MGAT5B: variants seen among roughly 807,000 people sequenced by gnomAD.
The protein encoded by MGAT5B is alpha-1,6-mannosylglycoprotein 6-beta-N-acetylglucosaminyltransferase B.
MGAT5B carries 54 observed loss-of-function variants against 95.1 expected under a neutral mutation model. The ratio of observed to expected loss-of-function variants is 0.57; its 90% CI spans 0.46 to 0.71. MGAT5B has a LOEUF of 0.71. Ranked by LOEUF, MGAT5B falls within the 30% of genes least tolerant of loss-of-function variation. The pLI, the probability that MGAT5B is intolerant of heterozygous loss-of-function variation, is 0.00. For missense variants in MGAT5B, 935 were observed against 1,088.6 expected (o/e 0.86, Z 1.99); for synonymous variants, 464 against 451.0 (o/e 1.03, Z -0.36).
chr17:76,884,683 A>T (rs1228480755), intron 3 of MGAT5B, among the ~76,000 whole-genome samples: 1 of 150,706 alleles, frequency 6.6e-6, no homozygotes, highest in African/African-American at 2.4e-5. Flanking sequence ...GGCTCACTGC[A>T]AGCTCTGCCT....
chr17:76,933,173 C>T (rs1969550044), intron 11 of MGAT5B, 119 bp from the exon 12 acceptor site: 1 of 1,223,894 alleles, frequency 8.2e-7, no homozygotes, highest in Non-Finnish European at 1.2e-6. Context: ...AGATTAGAAC[C>T]CCATCTTCAG....
Position 76,889,644 on chromosome 17 carries a change from A to G in MGAT5B, c.329+7346A>G, listed in dbSNP as rs1014739212. Among the ~76,000 whole-genome samples, 3 of 152,110 alleles carry G rather than the reference A, an allele frequency of 2.0e-5. No individual in the cohort carries two copies. Among genetic ancestry groups the G allele is most frequent in the African/African-American group, 4.8e-5 (2 of 41,366 alleles). On this transcript the variant is annotated intron_variant, in intron 3 of 17. Coordinates refer to ENST00000569840, the MANE Select transcript of MGAT5B (RefSeq NM_001199172.2). The surrounding 1 kb of genome is among the most constrained non-coding windows in gnomAD (Gnocchi z 4.4). ...GCTGAAGTAATAATTATTAATCATCATAATAATTAATGATGATAATAATCA... is the reference window on the plus strand; with the variant it reads ...GCTGAAGTAATAATTATTAATCATCGTAATAATTAATGATGATAATAATCA...
intron 2 of MGAT5B, among the ~76,000 whole-genome samples, chr17:76,873,611 A>G (rs1334703568): frequency 1.3e-5 from 2 of 152,170 alleles, no homozygotes; most frequent in African/African-American, 4.8e-5. Context: ...CGTGGACATT[A>G]CCCAGCATGG....
intron 15 of MGAT5B, among the ~76,000 whole-genome samples, chr17:76,945,657 A>T (rs1032381380): frequency 6.6e-6 from 1 of 152,182 alleles, no homozygotes; most frequent in African/African-American, 2.4e-5. Flanking sequence ...GGGGCAGGGT[A>T]CTTTACAAAT....
intron 2 of MGAT5B, among the ~76,000 whole-genome samples, chr17:76,880,225 C>A (rs1967359613): frequency 6.6e-6 from 1 of 152,204 alleles, no homozygotes; most frequent in Admixed American, 6.5e-5. Context: ...GCCTGTTCTT[C>A]AGAGCCAGGA....
chr17:76,934,359 A>T (rs1969589395), intron 12 of MGAT5B, among the ~76,000 whole-genome samples: 1 of 152,224 alleles, frequency 6.6e-6, no homozygotes, highest in Non-Finnish European at 1.5e-5. Flanking sequence ...GTTCCAGCCT[A>T]CATCAATCTA....
chr17:76,895,589 G>GGGA (rs1192102481), intron 3 of MGAT5B, among the ~76,000 whole-genome samples: 1 of 152,148 alleles, frequency 6.6e-6, no homozygotes, highest in Non-Finnish European at 1.5e-5. Context: ...CTTGACTGAT[G>GGGA]GGAGCACAAT....
chr17:76,915,586 A>G lies in MGAT5B; in HGVS notation c.1026-9380A>G, dbSNP rs796888216. Among the ~76,000 whole-genome samples, 23 of 152,282 alleles carry G rather than the reference A, an allele frequency of 1.5e-4. No homozygotes were observed. The highest frequency in any genetic ancestry group is 4.8e-4 in the African/African-American group (20 of 41,556). ...TGAGGCTGGGAAGTGGGCGCATTGG[A>G]GCATTATATGATTTTCTATAATTTT... On this transcript the variant is annotated intron_variant, in intron 8 of 17. Transcript: ENST00000569840. The surrounding 1 kb of genome is among the most constrained non-coding windows in gnomAD (Gnocchi z 8.7).
In MGAT5B at chr17:76,917,725, T is replaced by C. The variant is rs538599610; in HGVS notation, c.1026-7241T>C. On this transcript the variant is annotated intron_variant, in intron 8 of 17. Coordinates refer to ENST00000569840, the MANE Select transcript of MGAT5B (RefSeq NM_001199172.2). This position sits in a 1 kb window ranked among gnomAD's most constrained non-coding sequence, Gnocchi z 6.1. ...TGCACAGGTTGGTTCTCAGCAAAGGTTGGTGGAACCGGATAGAATAGCAAG... is the reference window on the plus strand; with the variant it reads ...TGCACAGGTTGGTTCTCAGCAAAGGCTGGTGGAACCGGATAGAATAGCAAG... Among the ~76,000 whole-genome samples, 3 of 152,076 alleles carry C rather than the reference T, an allele frequency of 2.0e-5. No homozygotes were observed. In the South Asian group the frequency reaches 6.3e-4, roughly 32 times the overall value.
chr17:76,902,397 G>T (rs114150883), intron 3 of MGAT5B, among the ~76,000 whole-genome samples, 158 bp from the exon 4 acceptor site: 3 of 152,092 alleles, frequency 2.0e-5, no homozygotes, highest in Admixed American at 1.3e-4. Context: ...CTTCTCACCC[G>T]ATTCACTCCC....
chr17:76,896,078 C>G (rs1314530370), intron 3 of MGAT5B, among the ~76,000 whole-genome samples: 2 of 152,232 alleles, frequency 1.3e-5, no homozygotes, highest in Admixed American at 6.5e-5. Context: ...CCTGTGTTCC[C>G]CAGACCACAT....
chr17:76,891,484 A>G (rs1173538638), intron 3 of MGAT5B, among the ~76,000 whole-genome samples: 1 of 151,676 alleles, frequency 6.6e-6, no homozygotes, highest in Non-Finnish European at 1.5e-5. Flanking sequence ...GGTTCAAGCG[A>G]TTCTCCTGCC....
chr17:76,897,660 A>ACTTTCTTTCTTTCTTTCTTT (rs772516557), intron 3 of MGAT5B, among the ~76,000 whole-genome samples: 144 of 69,338 alleles, frequency 2.1e-3, no homozygotes, highest in East Asian at 3.4e-3. Context: ...AAGTAAGGCC[A>ACTTTCTTTCTTTCTTTCTTT]CTTTCTTTCT....
At chr17:76,936,552 G>GT (rs1239578070) in intron 12 of MGAT5B, among the ~76,000 whole-genome samples, 3 of 152,108 alleles carry the variant, frequency 2.0e-5, no homozygotes, top group Admixed American at 6.6e-5. Flanking sequence ...TTTCTTTCCT[G>GT]TTTTTTTGTA....
rs1405182998 is a variant in MGAT5B at position 76,905,238 on chromosome 17, A to G, written c.760A>G (p.Met254Val). 3 of 1,613,582 alleles carry G rather than the reference A, an allele frequency of 1.9e-6. No homozygotes were observed. Among genetic ancestry groups the G allele is most frequent in the South Asian group, 2.2e-5 (2 of 91,062 alleles). Residue 254 changes from methionine to valine, a missense_variant, in exon 7 of 18, where the codon ATG (methionine) becomes GTG (valine). This residue lies in a region of MGAT5B where 243 missense variants were observed against 305.5 expected (regional missense o/e 0.80). Coordinates refer to ENST00000569840, the MANE Select transcript of MGAT5B (RefSeq NM_001199172.2). This position sits in a 1 kb window ranked among gnomAD's most constrained non-coding sequence, Gnocchi z 4.2. ...CAGCGGGAAGGAGTCCCTGATCTTCATGAAGAAGCGGACCAAGAGGCTCAC... is the reference window on the plus strand; with the variant it reads ...CAGCGGGAAGGAGTCCCTGATCTTCGTGAAGAAGCGGACCAAGAGGCTCAC... ...MGSGKESLIF[M>V]KKRTKRLTAQ...
intron 12 of MGAT5B, 130 bp from the exon 13 acceptor site, chr17:76,937,858 C>T: frequency 9.2e-7 from 1 of 1,092,500 alleles, no homozygotes; most frequent in East Asian, 2.5e-5. Context: ...CCCAGTGTCC[C>T]ACAGCCAGTT....
intron 10 of MGAT5B, among the ~76,000 whole-genome samples, chr17:76,932,085 T>TC (rs34615968): frequency 0.26 from 31,295 of 120,540 alleles, 4,537 homozygotes; most frequent in East Asian, 0.53. Flanking sequence ...CTCCTCCTCC[T>TC]CCCCCCCCCC....
intron 3 of MGAT5B, among the ~76,000 whole-genome samples, chr17:76,892,765 C>T (rs4788950): frequency 0.091 from 13,872 of 152,258 alleles, 852 homozygotes; most frequent in Admixed American, 0.18. Flanking sequence ...AACACACATG[C>T]GTGTTGCCAG....
chr17:76,876,797 A>G (rs898155990), intron 2 of MGAT5B, among the ~76,000 whole-genome samples: 4 of 152,194 alleles, frequency 2.6e-5, no homozygotes, highest in Non-Finnish European at 5.9e-5. Flanking sequence ...TGCATGGGGA[A>G]TCATGACCCG....
Sources: allele counts gnomAD v4.1 joint callset (sites outside exome capture counted in the v4.1 genomes callset), GRCh38; gene constraint gnomAD v4.1.1; regional missense constraint gnomAD v4.1.1; non-coding constraint Gnocchi (gnomAD v3.1); transcripts MANE v1.5; gene names NCBI Gene and HGNC (gene_info 2026-07-23, HGNC 2026-07-21).